Variants in EPHB1 observed in about 807,000 individuals in gnomAD.
The protein encoded by EPHB1 is ephrin type-B receptor 1.
A neutral mutation model predicts 94.4 loss-of-function variants in EPHB1; 30 were observed. The ratio of observed to expected loss-of-function variants is 0.32; its 90% CI spans 0.24 to 0.43. The LOEUF (loss-of-function observed/expected upper bound fraction) is 0.43. Among genes scored for constraint, EPHB1 ranks in the 20% least tolerant of loss-of-function variants. EPHB1 has a pLI of 1.00. For synonymous variants in EPHB1, 522 were observed against 489.1 expected (o/e 1.07, Z -0.89); for missense variants, 1,055 against 1,308.3 (o/e 0.81, Z 2.99).
intron 1 of EPHB1, among the ~76,000 whole-genome samples, chr3:134,814,677 T>C (rs571537935): frequency 6.6e-6 from 1 of 152,348 alleles, no homozygotes; most frequent in East Asian, 1.9e-4. Flanking sequence ...CTCTCTGTCT[T>C]GGACTTCCTG....
chr3:135,236,211 C>G, intron 12 of EPHB1, among the ~76,000 whole-genome samples: 1 of 152,160 alleles, frequency 6.6e-6, no homozygotes, highest in East Asian at 1.9e-4. Context: ...TGCCTCTCTC[C>G]TAGTTGCCAT....
rs1400901643 is a variant in EPHB1, at chr3:135,249,462, C to T, written c.2817C>T (p.Ser939=). Residue 939 remains serine, a synonymous_variant, in exon 15 of 16, where the codon TCC becomes TCT. Transcript: ENST00000398015. The part of the protein sequence containing the change: ...RDSFLTAGFT[S]LQLVTQMTSE... ...GCTTCCTCACTGCTGGCTTCACCTC[C>T]CTCCAGCTGGTCACCCAGATGACAT... The T allele has an allele frequency of 5.0e-6, 8 of 1,613,838 alleles. No individual in the cohort carries two copies. The highest frequency in any genetic ancestry group is 1.3e-5 in the African/African-American group (1 of 74,940).
chr3:134,914,970 A>G (rs925456582), intron 1 of EPHB1, among the ~76,000 whole-genome samples: 1 of 152,102 alleles, frequency 6.6e-6, no homozygotes, highest in Non-Finnish European at 1.5e-5. Context: ...AGGACAGGGA[A>G]GAGAAGGGTA....
intron 1 of EPHB1, among the ~76,000 whole-genome samples, chr3:134,836,212 A>G (rs1006497089): frequency 1.3e-5 from 2 of 152,218 alleles, no homozygotes; most frequent in African/African-American, 4.8e-5. Context: ...AGATTCCAGT[A>G]TTCTCAGACT....
At chr3:135,186,617 G>T (rs1942336015) in intron 10 of EPHB1, among the ~76,000 whole-genome samples, 1 of 152,180 alleles carries the variant, frequency 6.6e-6, no homozygotes, top group African/African-American at 2.4e-5. Flanking sequence ...ATTGTGTGTA[G>T]ATTTGAGCTG....
intron 3 of EPHB1, among the ~76,000 whole-genome samples, chr3:135,005,212 C>T (rs1935352175): frequency 6.6e-6 from 1 of 152,112 alleles, no homozygotes; most frequent in South Asian, 2.1e-4. Context: ...GTTGGAGTAC[C>T]CTGCAGTGTG....
intron 1 of EPHB1, among the ~76,000 whole-genome samples, chr3:134,852,102 C>G (rs1383624398): frequency 1.3e-5 from 2 of 152,138 alleles, no homozygotes. Flanking sequence ...CACCTCGGGG[C>G]GTATTTCTAC....
intron 15 of EPHB1, among the ~76,000 whole-genome samples, chr3:135,253,919 G>C (rs1419110550): frequency 6.7e-6 from 1 of 150,316 alleles, no homozygotes; most frequent in Non-Finnish European, 1.5e-5. Flanking sequence ...TCCTTGAAGA[G>C]GTCCTTCACA....
chr3:134,811,740 A>G (rs1578104972), intron 1 of EPHB1, among the ~76,000 whole-genome samples: 1 of 121,898 alleles, frequency 8.2e-6, no homozygotes, highest in South Asian at 2.6e-4. Flanking sequence ...ATCTAAACAC[A>G]ATAAACCTGG....
intron 1 of EPHB1, among the ~76,000 whole-genome samples, chr3:134,825,307 A>G (rs1171345145): frequency 6.6e-6 from 1 of 152,216 alleles, no homozygotes; most frequent in Non-Finnish European, 1.5e-5. Context: ...GGCGACATAA[A>G]TGTCAATCAG....
At position 135,217,476 on chromosome 3, in the gene EPHB1, G is replaced by GGAGA. The variant is rs141040790; in HGVS notation, c.2346+15802_2346+15805dup. 4.4e-3 allele frequency among the ~76,000 whole-genome samples: 651 copies of GGAGA among 146,796 alleles called. 10 individuals carry two copies. The highest frequency in any genetic ancestry group is 0.015 in the African/African-American group (619 of 40,148). Reference sequence around the variant, plus strand: ...CACACACACACACACACGCACACGGGGAGAGAGAGAGAGAGAGATGTGTGT... The same window carrying GGAGA: ...CACACACACACACACACGCACACGGGGAGAGAGAGAGAGAGAGAGAGATGTGTGT... On this transcript the variant is annotated intron_variant, in intron 12 of 15. Coordinates refer to ENST00000398015, the MANE Select transcript of EPHB1 (RefSeq NM_004441.5).
intron 6 of EPHB1, among the ~76,000 whole-genome samples, chr3:135,157,284 C>T (rs1397779147): frequency 6.6e-6 from 1 of 152,174 alleles, no homozygotes; most frequent in South Asian, 2.1e-4. Flanking sequence ...CAGTGGGTAG[C>T]CAGGGCAGGG....
At chr3:135,007,460 T>C (rs1271990715) in intron 3 of EPHB1, among the ~76,000 whole-genome samples, 2 of 152,218 alleles carry the variant, frequency 1.3e-5, no homozygotes, top group Non-Finnish European at 2.9e-5. Context: ...CATGAATAAA[T>C]GAATGATGTG....
At chr3:135,057,801 A>G (rs1445233991) in intron 3 of EPHB1, among the ~76,000 whole-genome samples, 1 of 152,180 alleles carries the variant, frequency 6.6e-6, no homozygotes, top group African/African-American at 2.4e-5. Flanking sequence ...CCTATGTTGC[A>G]TTTACTGAAA....
intron 3 of EPHB1, among the ~76,000 whole-genome samples, chr3:135,057,285 T>A (rs1203712598): frequency 6.6e-6 from 1 of 152,106 alleles, no homozygotes; most frequent in Non-Finnish European, 1.5e-5. Flanking sequence ...ACAGGCCTGA[T>A]GAAAGGGATG....
chr3:135,069,512 G>A (rs1283033626), intron 3 of EPHB1, among the ~76,000 whole-genome samples: 2 of 152,158 alleles, frequency 1.3e-5, no homozygotes, highest in Admixed American at 1.3e-4. Context: ...TGATGAGAAA[G>A]GCCATATGAA....
intron 3 of EPHB1, among the ~76,000 whole-genome samples, chr3:135,028,061 G>A (rs573489304): frequency 0.017 from 2,371 of 142,318 alleles, 61 homozygotes; most frequent in African/African-American, 0.053. Flanking sequence ...CTGTGGGATC[G>A]GTGGTGATAT....
At chr3:134,858,149 CCATCATCATCATCATCAT>C (rs71139558) in intron 1 of EPHB1, among the ~76,000 whole-genome samples, 25 of 148,310 alleles carry the variant, frequency 1.7e-4, no homozygotes, top group African/African-American at 2.8e-4. Flanking sequence ...TTTTATTGTT[CCATCATCATCATCATCAT>C]CATCATCATC....
At chr3:134,994,787 T>C (rs1934934667) in intron 3 of EPHB1, among the ~76,000 whole-genome samples, 2 of 152,354 alleles carry the variant, frequency 1.3e-5, no homozygotes, top group East Asian at 1.9e-4. Context: ...TGTTTCATTA[T>C]GGTTTTCTAA....
Sources: gnomAD v4.1 joint callset for allele counts (sites outside exome capture counted in the v4.1 genomes callset) on GRCh38, gnomAD v4.1.1 for gene constraint, MANE v1.5 for transcripts, NCBI Gene and HGNC (gene_info 2026-07-23, HGNC 2026-07-21) for gene names.